The following IPCEF1 variants were observed in gnomAD, a reference collection of about 807,000 sequenced individuals.
IPCEF1 encodes the protein interaction protein for cytohesin exchange factors 1.
IPCEF1 carries 31 observed loss-of-function variants against 50.9 expected under a neutral mutation model. That is an observed-to-expected ratio of 0.61 (90% CI 0.46 to 0.82). The LOEUF (loss-of-function observed/expected upper bound fraction) is 0.82. Among genes scored for constraint, IPCEF1 ranks in the 40% least tolerant of loss-of-function variants. The pLI, the probability that IPCEF1 is intolerant of heterozygous loss-of-function variation, is 0.00. For missense variants in IPCEF1, 458 were observed against 514.0 expected (o/e 0.89, Z 1.05); for synonymous variants, 181 against 192.0 (o/e 0.94, Z 0.47).
chr6:154,219,452 C>A (rs917557364), intron 7 of IPCEF1, among the ~76,000 whole-genome samples: 2 of 152,018 alleles, frequency 1.3e-5, no homozygotes, highest in African/African-American at 4.8e-5. Flanking sequence ...AGGGGAGAGG[C>A]GGGCAGCACT....
intron 10 of IPCEF1, among the ~76,000 whole-genome samples, chr6:154,196,333 A>C (rs1324619613): frequency 6.6e-6 from 1 of 152,186 alleles, no homozygotes; most frequent in Non-Finnish European, 1.5e-5. Flanking sequence ...ATATTTTTTA[A>C]ATCCTAAAAT....
At position 154,333,012 on chromosome 6, in the gene IPCEF1, C is replaced by T. The variant is rs181309078; in HGVS notation, c.-62+23660G>A. 3.6e-3 allele frequency among the ~76,000 whole-genome samples: 552 copies of T among 152,322 alleles called. 4 individuals carry two copies. Among genetic ancestry groups the T allele is most frequent in the Non-Finnish European group, 6.3e-3 (429 of 68,026 alleles). ...CCCAGCATTTTTTACCCCCAATTTA[C>T]TCCTGCCTTCTGGAAACTTTAGAAG... On this transcript the variant is annotated intron_variant, in intron 1 of 11. Transcript: ENST00000367220.
At chr6:154,343,574 C>T (rs1397886231) in intron 1 of IPCEF1, among the ~76,000 whole-genome samples, 2 of 152,192 alleles carry the variant, frequency 1.3e-5, no homozygotes, top group Non-Finnish European at 2.9e-5. Context: ...AGAGAAGTCT[C>T]AGTGGCCTCA....
Position 154,168,820 on chromosome 6 carries a change from G to T in IPCEF1, c.911-707C>A, listed in dbSNP as rs528782353. Among the ~76,000 whole-genome samples, 1 of 151,464 alleles carries T rather than the reference G, an allele frequency of 6.6e-6. No individual in the cohort carries two copies. The highest frequency in any genetic ancestry group is 2.4e-5 in the African/African-American group (1 of 41,082). ...AGGGTTTCACCATGTTGCCCAGGCTGGTCTTGAACTCCTGACTTTGGGTGA... is the reference window on the plus strand; with the variant it reads ...AGGGTTTCACCATGTTGCCCAGGCTTGTCTTGAACTCCTGACTTTGGGTGA... On this transcript the variant is annotated intron_variant, in intron 10 of 11. Transcript: ENST00000367220. This position sits in a 1 kb window ranked among gnomAD's most constrained non-coding sequence, Gnocchi z 4.1.
intron 5 of IPCEF1, among the ~76,000 whole-genome samples, chr6:154,231,156 C>A (rs1779685717): frequency 6.6e-6 from 1 of 152,188 alleles, no homozygotes. Flanking sequence ...GATTCTCACA[C>A]TACACACAGA....
rs4304180 is a variant in IPCEF1 at position 154,229,499 on chromosome 6, G to T, written c.247-6256C>A. Among the ~76,000 whole-genome samples, 777 of 151,476 alleles carry T rather than the reference G, an allele frequency of 5.1e-3. 5 individuals carry two copies. The highest frequency in any genetic ancestry group is 0.018 in the African/African-American group (741 of 41,292). On this transcript the variant is annotated intron_variant, in intron 5 of 11. Transcript: ENST00000367220. ...CGAGTAGCTGGGACTACAGGCACCC[G>T]CCACCACACCCGGCTCATTTTTTGT... is the stretch of plus-strand genomic sequence containing the variant.
At chr6:154,332,111 C>T (rs967394097) in intron 1 of IPCEF1, among the ~76,000 whole-genome samples, 4 of 152,060 alleles carry the variant, frequency 2.6e-5, no homozygotes, top group Non-Finnish European at 5.9e-5. Flanking sequence ...TACAGACAAC[C>T]GATTTGTTGC....
At chr6:154,235,424 C>T (rs1328580924) in intron 5 of IPCEF1, among the ~76,000 whole-genome samples, 10 of 150,314 alleles carry the variant, frequency 6.7e-5, no homozygotes, top group African/African-American at 2.5e-4. Context: ...CCCAGCTACT[C>T]GAGAGGCTGA....
At chr6:154,351,500 A>G (rs933715412) in intron 1 of IPCEF1, among the ~76,000 whole-genome samples, 6 of 152,212 alleles carry the variant, frequency 3.9e-5, no homozygotes, top group Non-Finnish European at 5.9e-5. Context: ...TCTCTTCACT[A>G]AGGAATAGAA....
At position 154,214,241 on chromosome 6, in the gene IPCEF1, TGATG is replaced by T; in HGVS notation, c.424_427del (p.His142ArgfsTer21). ...ACCTTCATCCTTTGTAGTGGATTCC[TGATG>T]GATTACAGCCGATCCAAGTTTATTT... On this transcript the variant is annotated frameshift_variant, in exon 8 of 12. Transcript: ENST00000367220. LOFTEE classifies it high-confidence loss of function. The T allele has an allele frequency of 6.2e-7, 1 of 1,610,906 alleles. No individual in the cohort carries two copies. The highest frequency in any genetic ancestry group is 8.5e-7 in the Non-Finnish European group (1 of 1,177,032).
chr6:154,247,545 T>C lies in IPCEF1; in HGVS notation c.37-57A>G, dbSNP rs1451313356. On this transcript the variant is annotated intron_variant, in intron 3 of 11. Transcript: ENST00000367220. The stretch of plus-strand genomic sequence containing the variant: ...ATTTCTGATTGTGTTGTAACATTTG[T>C]AAAGAGAGAAGGAGGGAGGAGGTGG... 2.7e-6 allele frequency: 4 copies of C among 1,505,918 alleles called. No individual in the cohort carries two copies. In the Admixed American group the frequency reaches 5.0e-5, roughly 19 times the overall value. 93.3% of individuals were successfully genotyped at this position (1,505,918 alleles called of 1,614,324 possible). A position where few individuals can be genotyped will look rare whatever the true frequency, so the allele number is the denominator to read the frequency against.
chr6:154,187,103 CTTG>C (rs138561036), intron 10 of IPCEF1, among the ~76,000 whole-genome samples: 477 of 152,302 alleles, frequency 3.1e-3, no homozygotes, highest in African/African-American at 4.3e-3. Flanking sequence ...TCTGACTGCA[CTTG>C]TTGTGTTTTT....
intron 1 of IPCEF1, among the ~76,000 whole-genome samples, chr6:154,354,168 A>G (rs1243394042): frequency 6.6e-6 from 1 of 152,244 alleles, no homozygotes; most frequent in Non-Finnish European, 1.5e-5. Flanking sequence ...CAGAGCTGGT[A>G]GGTTCAGAGA....
chr6:154,176,581 A>T (rs933677918), intron 10 of IPCEF1, among the ~76,000 whole-genome samples: 16 of 152,210 alleles, frequency 1.1e-4, no homozygotes, highest in Admixed American at 1.3e-4. Flanking sequence ...TACTATAAAG[A>T]GAATAAAATA....
At chr6:154,243,474 C>T (rs1356281028) in intron 5 of IPCEF1, among the ~76,000 whole-genome samples, 2 of 152,184 alleles carry the variant, frequency 1.3e-5, no homozygotes, top group Non-Finnish European at 2.9e-5. Context: ...AAAAGGTAGA[C>T]TATGCATTGG....
At chr6:154,179,463 C>A (rs1441679251) in intron 10 of IPCEF1, among the ~76,000 whole-genome samples, 3 of 152,198 alleles carry the variant, frequency 2.0e-5, no homozygotes, top group African/African-American at 7.2e-5. Flanking sequence ...GCTTGTCTCT[C>A]TCCCATTGGA....
intron 3 of IPCEF1, among the ~76,000 whole-genome samples, chr6:154,253,283 C>A (rs1345474426): frequency 1.3e-5 from 2 of 152,148 alleles, no homozygotes; most frequent in African/African-American, 2.4e-5. Flanking sequence ...AGAGATTTAT[C>A]TTCCTCAGCC....
intron 1 of IPCEF1, among the ~76,000 whole-genome samples, chr6:154,314,843 G>A (rs1011445090): frequency 1.6e-4 from 24 of 151,408 alleles, no homozygotes; most frequent in African/African-American, 5.8e-4. Context: ...TCCCTTCAGG[G>A]CCCCATCTAC....
At chr6:154,189,492 CATAA>C (rs78601026) in intron 10 of IPCEF1, among the ~76,000 whole-genome samples, 8,348 of 151,990 alleles carry the variant, frequency 0.055, 332 homozygotes, top group South Asian at 0.19. Flanking sequence ...GTGCAAAACA[CATAA>C]ATAAAGGACT....
Sources: allele counts gnomAD v4.1 joint callset (sites outside exome capture counted in the v4.1 genomes callset), GRCh38; gene constraint gnomAD v4.1.1; non-coding constraint Gnocchi (gnomAD v3.1); transcripts MANE v1.5; gene names NCBI Gene and HGNC (gene_info 2026-07-23, HGNC 2026-07-21).